Variants in GPC5 observed in about 807,000 individuals in gnomAD.
GPC5 encodes the protein glypican 5.
Under a neutral mutation model 53.9 loss-of-function variants are expected in GPC5, and 47 were observed. The ratio of observed to expected loss-of-function variants is 0.87; its 90% CI spans 0.69 to 1.11. The LOEUF (loss-of-function observed/expected upper bound fraction) is 1.11, where lower values mean the gene tolerates loss of function less well. Among genes scored for constraint, GPC5 ranks in the 50% most tolerant of loss-of-function variants. The pLI, the probability that GPC5 is intolerant of heterozygous loss-of-function variation, is 0.00. For missense variants in GPC5, 748 were observed against 713.1 expected, an observed-to-expected ratio of 1.05 and a Z score of -0.56; for synonymous variants, 286 against 263.3, an observed-to-expected ratio of 1.09 and a Z score of -0.84.
intron 2 of GPC5, among the ~76,000 whole-genome samples, chr13:91,513,517 G>A (rs1885343961): frequency 1.3e-5 from 2 of 152,056 alleles, no homozygotes; most frequent in South Asian, 4.1e-4. Context: ...GAGATGGGTG[G>A]ATCACCTGAG....
chr13:91,710,256 G>T (rs2036197018), intron 3 of GPC5, among the ~76,000 whole-genome samples: 3 of 152,146 alleles, frequency 2.0e-5, no homozygotes, highest in Non-Finnish European at 2.9e-5. Flanking sequence ...CATTGAATTA[G>T]ATTTAATTTC....
intron 2 of GPC5, among the ~76,000 whole-genome samples, chr13:91,571,224 G>A (rs973780531): frequency 5.9e-5 from 9 of 152,030 alleles, no homozygotes; most frequent in Non-Finnish European, 1.2e-4. Context: ...TATAAGTAAT[G>A]CCTTTCTCCT....
intron 7 of GPC5, among the ~76,000 whole-genome samples, chr13:92,182,242 C>A (rs2042152094): frequency 6.6e-6 from 1 of 152,156 alleles, no homozygotes; most frequent in African/African-American, 2.4e-5. Flanking sequence ...CAATTCTATC[C>A]AAATTTTGAA....
Position 92,642,385 on chromosome 13 carries a change from G to T in GPC5, c.1562-223897G>T, listed in dbSNP as rs545529871. Among the ~76,000 whole-genome samples the T allele has an allele frequency of 1.1e-3, 163 of 152,178 alleles. 1 individual carries two copies. Among genetic ancestry groups the T allele is most frequent in the African/African-American group, 3.6e-3 (151 of 41,510 alleles). ...TCTTTGGATATAGCCTCCTCTTGGC[G>T]GTCTTTGGGAATGCCTCAAAGCAGA... is the stretch of plus-strand genomic sequence containing the variant. On this transcript the variant is annotated intron_variant, in intron 7 of 7. Transcript: ENST00000377067.
intron 5 of GPC5, among the ~76,000 whole-genome samples, chr13:91,777,300 C>CT (rs1220852766): frequency 1.3e-5 from 2 of 152,108 alleles, no homozygotes; most frequent in Non-Finnish European, 2.9e-5. Flanking sequence ...ATTTCTTTCC[C>CT]TTTTTTGAAC....
At chr13:92,270,245 G>C (rs931660130) in intron 7 of GPC5, among the ~76,000 whole-genome samples, 1 of 152,170 alleles carries the variant, frequency 6.6e-6, no homozygotes, top group Non-Finnish European at 1.5e-5. Flanking sequence ...ATTTGGATCT[G>C]TGTCCCAGCC....
At chr13:92,620,196 G>C (rs1005367599) in intron 7 of GPC5, among the ~76,000 whole-genome samples, 2 of 151,972 alleles carry the variant, frequency 1.3e-5, no homozygotes, top group Non-Finnish European at 2.9e-5. Flanking sequence ...GAAGAAATAA[G>C]TGGCGGAAAG....
chr13:92,745,064 G>A (rs1465620727), intron 7 of GPC5, among the ~76,000 whole-genome samples: 1 of 151,908 alleles, frequency 6.6e-6, no homozygotes, highest in African/African-American at 2.4e-5. Flanking sequence ...ATAATATATT[G>A]AAATATTTAG....
chr13:92,654,513 A>T (rs993768578), intron 7 of GPC5, among the ~76,000 whole-genome samples: 1 of 150,862 alleles, frequency 6.6e-6, no homozygotes, highest in Non-Finnish European at 1.5e-5. Flanking sequence ...CAGAAAAAAT[A>T]TATTAAATTA....
chr13:92,657,740 T>C (rs1886189103), intron 7 of GPC5, among the ~76,000 whole-genome samples: 1 of 152,038 alleles, frequency 6.6e-6, no homozygotes, highest in Non-Finnish European at 1.5e-5. Context: ...ACTTCAAATT[T>C]TCCAAGATAA....
At chr13:92,744,232 GA>G (rs34030114) in intron 7 of GPC5, among the ~76,000 whole-genome samples, 38,433 of 149,478 alleles carry the variant, frequency 0.26, 5,062 homozygotes, top group East Asian at 0.43. Context: ...TTCTGGTTTG[GA>G]AAAAAAAAAT....
intron 7 of GPC5, among the ~76,000 whole-genome samples, chr13:92,820,680 C>G (rs1274958665): frequency 6.6e-6 from 1 of 152,126 alleles, no homozygotes; most frequent in Admixed American, 6.6e-5. Context: ...CTAAATACAT[C>G]ATTCTTTCAA....
chr13:92,860,918 A>T (rs1408787308), intron 7 of GPC5, among the ~76,000 whole-genome samples: 1 of 152,088 alleles, frequency 6.6e-6, no homozygotes, highest in Non-Finnish European at 1.5e-5. Flanking sequence ...GATTAAATTC[A>T]TTCAACTTAT....
intron 6 of GPC5, among the ~76,000 whole-genome samples, chr13:92,004,937 A>T (rs1566389500): frequency 6.6e-6 from 1 of 152,122 alleles, no homozygotes; most frequent in Non-Finnish European, 1.5e-5. Context: ...ATTCAAAATA[A>T]AATTTAGATG....
chr13:91,479,348 G>A (rs1314658051), intron 2 of GPC5, among the ~76,000 whole-genome samples: 3 of 152,080 alleles, frequency 2.0e-5, no homozygotes, highest in African/African-American at 7.2e-5. Context: ...ATTTTTCAAT[G>A]GGAGAAGAGA....
rs12583633 is a variant in GPC5 at position 91,976,408 on chromosome 13, A to G, written c.1401+68351A>G. On this transcript the variant is annotated intron_variant, in intron 6 of 7. Transcript: ENST00000377067. ...AAAGCCAATTACTGAGACAATGAGT[A>G]TTGCCAGGGAAGAAGGCTTTAATTG... is the stretch of plus-strand genomic sequence containing the variant. 2.0e-5 allele frequency among the ~76,000 whole-genome samples: 3 copies of G among 152,336 alleles called. No individual in the cohort carries two copies. The East Asian group carries it at 5.8e-4, about 29-fold the overall frequency.
chr13:91,498,832 G>A (rs556947465), intron 2 of GPC5, among the ~76,000 whole-genome samples: 11 of 152,064 alleles, frequency 7.2e-5, no homozygotes, highest in Non-Finnish European at 1.0e-4. Flanking sequence ...TTAGCTGGGC[G>A]TGGTGGTGCC....
At chr13:92,148,966 AT>A (rs1175742460) in intron 7 of GPC5, among the ~76,000 whole-genome samples, 1 of 152,082 alleles carries the variant, frequency 6.6e-6, no homozygotes, top group Admixed American at 6.6e-5. Context: ...TACAATTCTT[AT>A]GTGATCTTAT....
chr13:91,607,964 A>C (rs1536419), intron 2 of GPC5, among the ~76,000 whole-genome samples: 12,226 of 152,240 alleles, frequency 0.08, 730 homozygotes, highest in South Asian at 0.25. Flanking sequence ...CTTTCGAAGA[A>C]GGCTGCTTTT....
Sources: allele counts gnomAD v4.1 joint callset (sites outside exome capture counted in the v4.1 genomes callset), GRCh38; gene constraint gnomAD v4.1.1; transcripts MANE v1.5; gene names NCBI Gene and HGNC (gene_info 2026-07-23, HGNC 2026-07-21).